Variants in HHIP observed in about 807,000 individuals in gnomAD.
The protein encoded by HHIP is hedgehog interacting protein.
HHIP carries 12 observed loss-of-function variants against 74.0 expected under a neutral mutation model. The observed-to-expected ratio is 0.16, with a 90% CI of 0.10 to 0.26. The LOEUF is 0.26. Among genes scored for constraint, HHIP ranks in the 10% least tolerant of loss-of-function variants. HHIP has a pLI of 1.00. For missense variants in HHIP, 788 were observed against 845.0 expected (o/e 0.93, Z 0.84); for synonymous variants, 309 against 311.6 (o/e 0.99, Z 0.09).
chr4:144,695,990 T>C (rs1729808052), intron 4 of HHIP, among the ~76,000 whole-genome samples: 1 of 151,940 alleles, frequency 6.6e-6, no homozygotes, highest in South Asian at 2.1e-4. Flanking sequence ...CTGATCAAAA[T>C]GTAGGACTTC....
At chr4:144,712,334 C>A (rs542034922) in intron 8 of HHIP, among the ~76,000 whole-genome samples, 2 of 152,182 alleles carry the variant, frequency 1.3e-5, no homozygotes, top group Admixed American at 1.3e-4. Flanking sequence ...CAAAAGTTAG[C>A]AGCTTATATT....
In HHIP at chr4:144,743,994, C is replaced by T. The variant is rs928345860; in HGVS notation, c.*6037C>T. ...TTAAGATTTCATGTACAATAGAGTC[C>T]CTTTCCTAATACTGTTATGAAGAAA... is the stretch of plus-strand genomic sequence containing the variant. On this transcript the variant is annotated 3_prime_UTR_variant, in exon 13 of 13. Transcript: ENST00000296575. The T allele has an allele frequency of 6.6e-6, 1 of 151,796 alleles. No homozygotes were observed. Among genetic ancestry groups the T allele is most frequent in the African/African-American group, 2.4e-5 (1 of 41,350 alleles). The allele number at this position is 151,796 out of a possible 1,614,324, so 9.4% of individuals were successfully genotyped here. A position where few individuals can be genotyped will look rare whatever the true frequency, so the allele number is the denominator to read the frequency against.
chr4:144,712,885 G>GGTGTGT (rs4030000), intron 8 of HHIP, among the ~76,000 whole-genome samples: 1,603 of 144,082 alleles, frequency 0.011, 13 homozygotes, highest in Middle Eastern at 0.029. Context: ...TTTTTTTTCA[G>GGTGTGT]GTGTGTGTGT....
chr4:144,714,146 A>G (rs1299110349), intron 8 of HHIP, 79 bp from the exon 9 acceptor site: 1 of 1,228,518 alleles, frequency 8.1e-7, no homozygotes, highest in South Asian at 1.3e-5. Context: ...AAATTACTAT[A>G]GTAATTGTTG....
rs1316477654 is a variant in HHIP, at chr4:144,744,635, A to C, written c.*6678A>C. On this transcript the variant is annotated 3_prime_UTR_variant, in exon 13 of 13. Coordinates refer to ENST00000296575, the MANE Select transcript of HHIP (RefSeq NM_022475.3). ...CTCTGAATTTGAACTTATTTGATTT[A>C]TTTAACCAAGTTATTATAATATGCA... is the stretch of plus-strand genomic sequence containing the variant. The C allele has an allele frequency of 6.6e-6, 1 of 152,196 alleles. No individual in the cohort carries two copies. 9.4% of individuals were successfully genotyped at this position (152,196 alleles called of 1,614,324 possible).
At chr4:144,708,506 T>C (rs1037894443) in intron 7 of HHIP, among the ~76,000 whole-genome samples, 195 bp downstream of exon 7, 1 of 152,202 alleles carries the variant, frequency 6.6e-6, no homozygotes, top group Admixed American at 6.5e-5. Context: ...GAGAAGCAGA[T>C]TGAGAAGGCA....
chr4:144,686,844 G>T (rs1729500951), intron 4 of HHIP, among the ~76,000 whole-genome samples: 1 of 151,822 alleles, frequency 6.6e-6, no homozygotes, highest in Non-Finnish European at 1.5e-5. Flanking sequence ...CTTTCTGGTA[G>T]AACCCTAGTC....
At chr4:144,724,742 T>C (rs1375784935) in intron 11 of HHIP, among the ~76,000 whole-genome samples, 1 of 148,464 alleles carries the variant, frequency 6.7e-6, no homozygotes, top group Non-Finnish European at 1.5e-5. Context: ...ATATCCCATT[T>C]CCTGGAAATG....
Position 144,744,013 on chromosome 4 carries a change from G to A in HHIP, c.*6056G>A, listed in dbSNP as rs1401853106. Reference sequence around the variant, plus strand: ...AGAGTCCCTTTCCTAATACTGTTATGAAGAAACCAAGTTGACTACCTTATG... The same window carrying A: ...AGAGTCCCTTTCCTAATACTGTTATAAAGAAACCAAGTTGACTACCTTATG... On this transcript the variant is annotated 3_prime_UTR_variant, in exon 13 of 13. Coordinates refer to ENST00000296575, the MANE Select transcript of HHIP (RefSeq NM_022475.3). 2 of 152,012 alleles carry A rather than the reference G, an allele frequency of 1.3e-5. No individual in the cohort carries two copies. The highest frequency in any genetic ancestry group is 2.9e-5 in the Non-Finnish European group (2 of 67,944). 9.4% of individuals were successfully genotyped at this position (152,012 alleles called of 1,614,324 possible). A position where few individuals can be genotyped will look rare whatever the true frequency, so the allele number is the denominator to read the frequency against.
intron 6 of HHIP, among the ~76,000 whole-genome samples, chr4:144,707,676 C>T (rs142487017): frequency 6.7e-5 from 8 of 118,682 alleles, no homozygotes; most frequent in Middle Eastern, 6.1e-3. Context: ...ACTACTGATG[C>T]CACAGTCCTC....
intron 4 of HHIP, among the ~76,000 whole-genome samples, chr4:144,678,235 T>C (rs1169038157): frequency 6.6e-6 from 1 of 152,202 alleles, no homozygotes; most frequent in African/African-American, 2.4e-5. Context: ...AAAATGCTTA[T>C]ATAGAGATTA....
chr4:144,690,234 G>A lies in HHIP; in HGVS notation c.832-16297G>A, dbSNP rs554285741. 2.6e-5 allele frequency among the ~76,000 whole-genome samples: 4 copies of A among 152,298 alleles called. No homozygotes were observed. The East Asian group carries it at 7.7e-4, about 29-fold the overall frequency. ...CACACTGAATATTTGAATACCTAGAGTTATCAGTCATTGAGCTAAGTGCTG... is the reference window on the plus strand; with the variant it reads ...CACACTGAATATTTGAATACCTAGAATTATCAGTCATTGAGCTAAGTGCTG... On this transcript the variant is annotated intron_variant, in intron 4 of 12. Coordinates refer to ENST00000296575, the MANE Select transcript of HHIP (RefSeq NM_022475.3).
At position 144,742,259 on chromosome 4, in the gene HHIP, T is replaced by G. The variant is rs1275474491; in HGVS notation, c.*4302T>G. On this transcript the variant is annotated 3_prime_UTR_variant, in exon 13 of 13. Coordinates refer to ENST00000296575, the MANE Select transcript of HHIP (RefSeq NM_022475.3). ...TGTTTTTCTGAAAAATAGCCTCTCT[T>G]GATTCCACATTTTCTCAAATTCTAT... The G allele has an allele frequency of 1.3e-5, 2 of 152,150 alleles. No individual in the cohort carries two copies. Among genetic ancestry groups the G allele is most frequent in the African/African-American group, 4.8e-5 (2 of 41,438 alleles). 9.4% of individuals were successfully genotyped at this position (152,150 alleles called of 1,614,324 possible). A position where few individuals can be genotyped will look rare whatever the true frequency, so the allele number is the denominator to read the frequency against.
intron 10 of HHIP, among the ~76,000 whole-genome samples, chr4:144,717,176 G>C (rs191300334): frequency 6.6e-6 from 1 of 152,010 alleles, no homozygotes; most frequent in Non-Finnish European, 1.5e-5. Flanking sequence ...TGTGAAACTC[G>C]CTAGCTTTAA....
intron 9 of HHIP, 70 bp from the exon 10 acceptor site, chr4:144,715,230 A>T: frequency 1.4e-6 from 2 of 1,429,498 alleles, no homozygotes; most frequent in African/African-American, 1.4e-5. Context: ...ATTTTATTTT[A>T]AACATCTTAT....
chr4:144,650,964 C>T (rs1728412723), intron 1 of HHIP: 3 of 152,182 alleles, frequency 2.0e-5, no homozygotes, highest in Admixed American at 2.0e-4. Flanking sequence ...AAGGTAATTA[C>T]ATTCCAGTTT....
At position 144,666,679 on chromosome 4, in the gene HHIP, A is replaced by T. The variant is rs1728873198; in HGVS notation, c.831+6841A>T. On this transcript the variant is annotated intron_variant, in intron 4 of 12. Coordinates refer to ENST00000296575, the MANE Select transcript of HHIP (RefSeq NM_022475.3). ...AATGAGTGGCACTGCATGAGAGGAG[A>T]GACTGCAGAGCATGTTAAGAAAACA... Among the ~76,000 whole-genome samples, 3 of 152,266 alleles carry T rather than the reference A, an allele frequency of 2.0e-5. No homozygotes were observed. In the South Asian group the frequency reaches 6.2e-4, roughly 32 times the overall value.
chr4:144,698,925 T>C (rs1729899107), intron 4 of HHIP, among the ~76,000 whole-genome samples: 2 of 152,184 alleles, frequency 1.3e-5, no homozygotes, highest in Non-Finnish European at 2.9e-5. Flanking sequence ...TTGATCACGA[T>C]CTCCATTTCC....
At chr4:144,654,321 C>A (rs1728503630) in intron 2 of HHIP, among the ~76,000 whole-genome samples, 1 of 152,146 alleles carries the variant, frequency 6.6e-6, no homozygotes, top group Non-Finnish European at 1.5e-5. Context: ...TATTTTTCTA[C>A]AAAGTTTGTA....
Sources: allele counts gnomAD v4.1 joint callset (sites outside exome capture counted in the v4.1 genomes callset), GRCh38; gene constraint gnomAD v4.1.1; transcripts MANE v1.5; gene names NCBI Gene and HGNC (gene_info 2026-07-23, HGNC 2026-07-21).